Variants in TTLL7 observed in about 807,000 individuals in gnomAD.
TTLL7 encodes the protein tubulin tyrosine ligase like 7.
A neutral mutation model predicts 120.2 loss-of-function variants in TTLL7; 53 were observed. The ratio of observed to expected loss-of-function variants is 0.44; its 90% CI spans 0.35 to 0.55. The LOEUF is 0.55. TTLL7 is among the 20% of genes least tolerant of loss of function. The pLI is 0.00. For synonymous variants in TTLL7, 353 were observed against 351.7 expected (o/e 1.00, Z -0.04); for missense variants, 803 against 1,054.7 (o/e 0.76, Z 3.31).
chr1:83,884,770 G>A (rs1345767160), intron 19 of TTLL7, among the ~76,000 whole-genome samples: 1 of 150,712 alleles, frequency 6.6e-6, no homozygotes, highest in Non-Finnish European at 1.5e-5. Context: ...TATACCTAAT[G>A]CTAAATGACG....
intron 14 of TTLL7, chr1:83,913,121 T>C (rs1657817924): frequency 6.6e-6 from 1 of 152,270 alleles, no homozygotes; most frequent in African/African-American, 2.4e-5. Flanking sequence ...CAACACACTG[T>C]TCAAGCAATA....
At chr1:83,884,145 AGAGAGAGAGAGG>A (rs944315042) in intron 19 of TTLL7, among the ~76,000 whole-genome samples, 3 of 151,504 alleles carry the variant, frequency 2.0e-5, no homozygotes, top group Non-Finnish European at 4.4e-5. Context: ...AGGGAGAGAG[AGAGAGAGAGAGG>A]GAGAGAGAGA....
Position 83,874,828 on chromosome 1 carries a change from T to C in TTLL7, c.2544-4746A>G, listed in dbSNP as rs61768014. Among the ~76,000 whole-genome samples the C allele has an allele frequency of 3.7e-3, 567 of 152,038 alleles. 6 individuals carry two copies. The highest frequency in any genetic ancestry group is 6.1e-3 in the Non-Finnish European group (417 of 67,864). ...TAAAAAATTCCAATAGTTTCTGCCA[T>C]GCATAGCTCACAGAGTATGGAGCCA... On this transcript the variant is annotated intron_variant, in intron 20 of 20. Coordinates refer to ENST00000260505, the MANE Select transcript of TTLL7 (RefSeq NM_024686.6).
At chr1:83,976,116 A>C (rs1651462025) in intron 1 of TTLL7, among the ~76,000 whole-genome samples, 1 of 151,382 alleles carries the variant, frequency 6.6e-6, no homozygotes, top group African/African-American at 2.4e-5. Flanking sequence ...TGTATTTCTT[A>C]CCATGGATTG....
At chr1:83,933,950 C>T (rs1647192261) in intron 8 of TTLL7, among the ~76,000 whole-genome samples, 184 bp from the exon 9 acceptor site, 1 of 152,168 alleles carries the variant, frequency 6.6e-6, no homozygotes. Context: ...CTCACACTTG[C>T]TTTGGGTTCC....
chr1:83,881,188 C>A (rs1654425731), intron 20 of TTLL7, among the ~76,000 whole-genome samples: 1 of 151,668 alleles, frequency 6.6e-6, no homozygotes, highest in Non-Finnish European at 1.5e-5. Flanking sequence ...TGGGCAAGGA[C>A]TTCATGTCTA....
At chr1:83,933,559 A>G in intron 9 of TTLL7, 49 bp downstream of exon 9, 1 of 1,561,854 alleles carries the variant, frequency 6.4e-7, no homozygotes, top group Non-Finnish European at 8.7e-7. Context: ...ATTTATTTTA[A>G]TACGTAAGGA....
intron 1 of TTLL7, among the ~76,000 whole-genome samples, chr1:83,985,721 A>G (rs1557806694): frequency 6.6e-6 from 1 of 152,152 alleles, no homozygotes; most frequent in Non-Finnish European, 1.5e-5. Context: ...AAAAATTTTA[A>G]AAAACCTATC....
At chr1:83,952,830 CA>C in intron 1 of TTLL7, among the ~76,000 whole-genome samples, 1 of 152,102 alleles carries the variant, frequency 6.6e-6, no homozygotes, top group Non-Finnish European at 1.5e-5. Flanking sequence ...AATTACAACA[CA>C]GAGATTAAAA....
intron 14 of TTLL7, among the ~76,000 whole-genome samples, chr1:83,914,521 G>A (rs181624649): frequency 8.0e-4 from 121 of 151,768 alleles, no homozygotes; most frequent in African/African-American, 2.9e-3. Context: ...TAGTAGAGAC[G>A]GGGTTTCACC....
rs866686711 is a variant in TTLL7 at position 83,999,072 on chromosome 1, G to A, written c.-318C>T. ...GGTGGTCCGGTGCTCTCCTCCGCCC[G>A]CCCACCGCCCGTGGCAGCCACGGCT... On this transcript the variant is annotated 5_prime_UTR_variant, in exon 1 of 21. Coordinates refer to ENST00000260505, the MANE Select transcript of TTLL7 (RefSeq NM_024686.6). The A allele has an allele frequency of 2.2e-6, 1 of 445,320 alleles. No homozygotes were observed. The highest frequency in any genetic ancestry group is 2.1e-5 in the African/African-American group (1 of 48,526). 27.6% of individuals were successfully genotyped at this position (445,320 alleles called of 1,614,324 possible).
In TTLL7 at chr1:83,868,810, A is replaced by G. The variant is rs1653097293; in HGVS notation, c.*1152T>C. The G allele has an allele frequency of 6.6e-6, 1 of 152,082 alleles. No individual in the cohort carries two copies. The highest frequency in any genetic ancestry group is 1.5e-5 in the Non-Finnish European group (1 of 68,002). The allele number at this position is 152,082 out of a possible 1,614,324, so 9.4% of individuals were successfully genotyped here. ...TAAAAATGAGTGGTATAAGACATAA[A>G]AGCCATATAGAAAGATTTTGTTACC... On this transcript the variant is annotated 3_prime_UTR_variant, in exon 21 of 21. Transcript: ENST00000260505.
chr1:83,947,320 C>G, intron 5 of TTLL7, 38 bp from the exon 6 acceptor site: 1 of 1,544,252 alleles, frequency 6.5e-7, no homozygotes, highest in Non-Finnish European at 8.8e-7. Flanking sequence ...AATTTCTATT[C>G]AAACTAGCAT....
In TTLL7 at chr1:83,883,374, G is replaced by T. The variant is rs537385099; in HGVS notation, c.2370-238C>A. Among the ~76,000 whole-genome samples the T allele has an allele frequency of 3.3e-5, 5 of 151,936 alleles. No homozygotes were observed. In the South Asian group the frequency reaches 8.3e-4, roughly 25 times the overall value. ...GTCCGTGTGTGTGTTTGTGCATGTG[G>T]GTGTGTGTTTGTATGTGAGAGAGAG... is the stretch of plus-strand genomic sequence containing the variant. On this transcript the variant is annotated intron_variant, in intron 19 of 20. Coordinates refer to ENST00000260505, the MANE Select transcript of TTLL7 (RefSeq NM_024686.6).
At chr1:83,899,850 T>C (rs1184555057) in intron 18 of TTLL7, among the ~76,000 whole-genome samples, 4 of 151,984 alleles carry the variant, frequency 2.6e-5, no homozygotes, top group African/African-American at 9.7e-5. Context: ...GTATGATTAA[T>C]ACTTAAAGGT....
At chr1:83,941,997 C>A (rs1414135649) in intron 7 of TTLL7, among the ~76,000 whole-genome samples, 1 of 152,132 alleles carries the variant, frequency 6.6e-6, no homozygotes, top group East Asian at 1.9e-4. Flanking sequence ...TTTTCCTTTT[C>A]ATATACTTTC....
chr1:83,872,633 T>A (rs1468984002), intron 20 of TTLL7, among the ~76,000 whole-genome samples: 1 of 152,252 alleles, frequency 6.6e-6, no homozygotes, highest in East Asian at 1.9e-4. Context: ...ATAGTTACTA[T>A]TGACATTTCA....
intron 19 of TTLL7, chr1:83,890,043 G>A: frequency 2.1e-6 from 1 of 478,030 alleles, no homozygotes; most frequent in South Asian, 1.6e-5. Context: ...TTTAGAAGGC[G>A]ACTGCAGAAG....
intron 10 of TTLL7, among the ~76,000 whole-genome samples, chr1:83,925,668 G>A (rs1324802504): frequency 4.6e-5 from 7 of 152,142 alleles, no homozygotes; most frequent in South Asian, 4.1e-4. Flanking sequence ...CATGTGAATC[G>A]TTTTGCCATT....
Sources: allele counts gnomAD v4.1 joint callset (sites outside exome capture counted in the v4.1 genomes callset), GRCh38; gene constraint gnomAD v4.1.1; transcripts MANE v1.5; gene names NCBI Gene and HGNC (gene_info 2026-07-23, HGNC 2026-07-21).